The following PDE3A variants were observed in gnomAD, a reference collection of about 807,000 sequenced individuals.
PDE3A encodes the protein cGMP-inhibited 3',5'-cyclic phosphodiesterase 3A.
Under a neutral mutation model 98.3 loss-of-function variants are expected in PDE3A, and 43 were observed. The observed-to-expected ratio is 0.44, with a 90% CI of 0.34 to 0.56. The LOEUF (loss-of-function observed/expected upper bound fraction) is 0.56. Ranked by LOEUF, PDE3A falls within the 20% of genes least tolerant of loss-of-function variation. PDE3A has a pLI of 0.01. For missense variants in PDE3A, 1,427 were observed against 1,440.7 expected, an observed-to-expected ratio of 0.99 and a Z score of 0.15; for synonymous variants, 663 against 567.9, an observed-to-expected ratio of 1.17 and a Z score of -2.38.
chr12:20,596,962 A>G (rs947840405), intron 2 of PDE3A, among the ~76,000 whole-genome samples: 4 of 152,192 alleles, frequency 2.6e-5, no homozygotes, highest in Admixed American at 6.5e-5. Context: ...GGTACCCAGT[A>G]TTTAGCATTG....
chr12:20,433,936 A>G (rs1944739190), intron 1 of PDE3A, among the ~76,000 whole-genome samples: 1 of 152,136 alleles, frequency 6.6e-6, no homozygotes, highest in African/African-American at 2.4e-5. Flanking sequence ...CTAATATTGA[A>G]TAAGAAGTGC....
intron 1 of PDE3A, among the ~76,000 whole-genome samples, chr12:20,408,034 C>T (rs915591713): frequency 6.6e-6 from 1 of 152,068 alleles, no homozygotes; most frequent in Non-Finnish European, 1.5e-5. Context: ...AGCAATTCTG[C>T]CTCTGCATCC....
rs1643954318 is a variant in PDE3A, at chr12:20,369,690, C to G, written c.406C>G (p.Leu136Val). Residue 136 changes from leucine to valine, a missense_variant, in exon 1 of 16, where the codon CTC (leucine) becomes GTC (valine). Leu to Val is a conservative substitution (Grantham distance 32, BLOSUM62 1). Coordinates refer to ENST00000359062, the MANE Select transcript of PDE3A (RefSeq NM_000921.5). Reference protein sequence around the residue: ...LSPWLQPSALLFSLLCAFFWM... With the variant: ...LSPWLQPSALVFSLLCAFFWM... The stretch of plus-strand genomic sequence containing the variant: ...CCCCTGGCTGCAGCCCTCGGCGCTG[C>G]TCTTCAGTCTCCTGTGTGCCTTCTT... The G allele has an allele frequency of 1.2e-6, 2 of 1,611,320 alleles. No individual in the cohort carries two copies. Among genetic ancestry groups the G allele is most frequent in the African/African-American group, 1.3e-5 (1 of 74,908 alleles).
In PDE3A at chr12:20,392,303, G is replaced by A. The variant is rs1034410759; in HGVS notation, c.960+22059G>A. On this transcript the variant is annotated intron_variant, in intron 1 of 15. Coordinates refer to ENST00000359062, the MANE Select transcript of PDE3A (RefSeq NM_000921.5). ...TAGCTAGAACAGTGAAAACTGGGAG[G>A]CAAAAACACTACATAAATATTAAAA... Among the ~76,000 whole-genome samples the A allele has an allele frequency of 7.2e-5, 11 of 151,884 alleles. No homozygotes were observed. In the South Asian group the frequency reaches 1.7e-3, roughly 23 times the overall value.
At chr12:20,378,052 T>A (rs1465787221) in intron 1 of PDE3A, among the ~76,000 whole-genome samples, 1 of 151,746 alleles carries the variant, frequency 6.6e-6, no homozygotes, top group Non-Finnish European at 1.5e-5. Flanking sequence ...TGTAACAGTG[T>A]CTGTAAAGGG....
chr12:20,509,899 A>G (rs550933257), intron 1 of PDE3A, among the ~76,000 whole-genome samples: 78 of 152,184 alleles, frequency 5.1e-4, no homozygotes, highest in Non-Finnish European at 9.4e-4. Context: ...TGGAAAAAGT[A>G]GCTTATTTAT....
intron 13 of PDE3A, 33 bp from the exon 14 acceptor site, chr12:20,650,412 G>T: frequency 6.7e-7 from 1 of 1,500,432 alleles, no homozygotes. Flanking sequence ...TTTTATCAAA[G>T]CAAAACATAT....
At chr12:20,614,151 T>A in intron 3 of PDE3A, among the ~76,000 whole-genome samples, 1 of 6,154 alleles carries the variant, frequency 1.6e-4, no homozygotes, top group South Asian at 0.1. Context: ...CTCCTGACTT[T>A]CCAATACACA....
intron 10 of PDE3A, among the ~76,000 whole-genome samples, chr12:20,646,273 G>A (rs576777307): frequency 3.9e-4 from 60 of 152,294 alleles, no homozygotes; most frequent in Admixed American, 7.2e-4. Context: ...ATACCTGCAT[G>A]CATAATAAAT....
At chr12:20,490,373 G>A (rs927437708) in intron 1 of PDE3A, among the ~76,000 whole-genome samples, 2 of 152,104 alleles carry the variant, frequency 1.3e-5, no homozygotes, top group African/African-American at 2.4e-5. Flanking sequence ...GTCTAGTGAT[G>A]AGGCAAAATT....
At position 20,369,358 on chromosome 12, in the gene PDE3A, C is replaced by T. The variant is rs752706938; in HGVS notation, c.74C>T (p.Ala25Val). The T allele has an allele frequency of 6.5e-7, 1 of 1,548,724 alleles. No individual in the cohort carries two copies. The highest frequency in any genetic ancestry group is 2.0e-5 in the Admixed American group (1 of 51,012). The change falls in exon 1 of 16, where the codon GCG (alanine) becomes GTG (valine). Residue 25 changes from alanine (A) to valine (V), a missense_variant. Ala to Val is a moderately conservative substitution (Grantham distance 64). Transcript: ENST00000359062. ...VHSGVSQAPTAGRDCHHRADP... is the reference protein window; with the variant it reads ...VHSGVSQAPTVGRDCHHRADP... Reference sequence around the variant, plus strand: ...AGTGGGGTGAGTCAAGCCCCCACGGCGGGCCGGGACTGCCACCATCGTGCG... The same window carrying T: ...AGTGGGGTGAGTCAAGCCCCCACGGTGGGCCGGGACTGCCACCATCGTGCG...
chr12:20,376,147 C>T (rs1033345042), intron 1 of PDE3A, among the ~76,000 whole-genome samples: 4 of 151,738 alleles, frequency 2.6e-5, no homozygotes, highest in Non-Finnish European at 4.4e-5. Flanking sequence ...GTATTTATGT[C>T]GAGTTAGTTT....
At chr12:20,598,218 T>G (rs1404919537) in intron 2 of PDE3A, among the ~76,000 whole-genome samples, 1 of 151,962 alleles carries the variant, frequency 6.6e-6, no homozygotes, top group African/African-American at 2.4e-5. Flanking sequence ...AGTCTTGCTC[T>G]GTCTCCCAGG....
chr12:20,443,457 T>C (rs2120853065), intron 1 of PDE3A, among the ~76,000 whole-genome samples: 1 of 152,264 alleles, frequency 6.6e-6, no homozygotes, highest in African/African-American at 2.4e-5. Flanking sequence ...TTAGAATGAA[T>C]GATGACTGTC....
intron 1 of PDE3A, among the ~76,000 whole-genome samples, chr12:20,393,698 A>G (rs943370373): frequency 6.6e-6 from 1 of 152,080 alleles, no homozygotes; most frequent in Non-Finnish European, 1.5e-5. Context: ...TTGAGATTTG[A>G]TGCACTAAAT....
chr12:20,422,091 A>T (rs533921921), intron 1 of PDE3A, among the ~76,000 whole-genome samples: 1 of 152,236 alleles, frequency 6.6e-6, no homozygotes, highest in African/African-American at 2.4e-5. Flanking sequence ...TCACGCCTGT[A>T]ATCCTAGCAC....
At chr12:20,518,117 A>G (rs936395871) in intron 1 of PDE3A, among the ~76,000 whole-genome samples, 6 of 152,192 alleles carry the variant, frequency 3.9e-5, no homozygotes, top group Admixed American at 3.9e-4. Flanking sequence ...AAGAATGGGG[A>G]GACACAACGT....
intron 1 of PDE3A, among the ~76,000 whole-genome samples, chr12:20,542,520 T>TA (rs898382807): frequency 3.3e-5 from 5 of 151,884 alleles, no homozygotes; most frequent in African/African-American, 1.2e-4. Flanking sequence ...CCCATAAATG[T>TA]AAACCATTTG....
At chr12:20,405,596 TGA>T (rs1202386708) in intron 1 of PDE3A, among the ~76,000 whole-genome samples, 7 of 152,304 alleles carry the variant, frequency 4.6e-5, no homozygotes, top group African/African-American at 1.7e-4. Flanking sequence ...TTGGCTTTAT[TGA>T]GATATAATTG....
Sources: gnomAD v4.1 joint callset for allele counts (sites outside exome capture counted in the v4.1 genomes callset) on GRCh38, gnomAD v4.1.1 for gene constraint, MANE v1.5 for transcripts, NCBI Gene and HGNC (gene_info 2026-07-23, HGNC 2026-07-21) for gene names.